Variants in PIK3C3 observed in about 807,000 individuals in gnomAD.
PIK3C3 encodes the protein phosphatidylinositol 3-kinase catalytic subunit type 3, also known as PI3-kinase type 3.
A neutral mutation model predicts 126.1 loss-of-function variants in PIK3C3; 95 were observed. The observed-to-expected ratio is 0.75, with a 90% CI of 0.64 to 0.89. The LOEUF (loss-of-function observed/expected upper bound fraction) is 0.89, where lower values mean the gene tolerates loss of function less well. PIK3C3 is among the 40% of genes least tolerant of loss of function. PIK3C3 has a pLI of 0.00. For synonymous variants in PIK3C3, 374 were observed against 360.0 expected (o/e 1.04, Z -0.44); for missense variants, 829 against 1,063.2 (o/e 0.78, Z 3.06).
At chr18:41,984,810 T>A (rs1341650122) in intron 4 of PIK3C3, 1 of 152,162 alleles carries the variant, frequency 6.6e-6, no homozygotes, top group Non-Finnish European at 1.5e-5. Flanking sequence ...CTCAATGAAA[T>A]ATGCCTTCTG....
intron 4 of PIK3C3, chr18:41,971,186 G>A (rs908678739): frequency 2.0e-5 from 3 of 152,302 alleles, no homozygotes; most frequent in Non-Finnish European, 4.4e-5. Flanking sequence ...TACTGTTTAA[G>A]GATCCCTTTA....
chr18:42,062,332 A>G (rs1985354144), intron 22 of PIK3C3, among the ~76,000 whole-genome samples: 1 of 151,226 alleles, frequency 6.6e-6, no homozygotes, highest in African/African-American at 2.4e-5. Context: ...CTCTATTTCC[A>G]TAGAGAAGGG....
At chr18:41,961,623 T>A (rs1330316671) in intron 2 of PIK3C3, among the ~76,000 whole-genome samples, 1 of 152,192 alleles carries the variant, frequency 6.6e-6, no homozygotes, top group Non-Finnish European at 1.5e-5. Context: ...TAACTTTGAA[T>A]GAACAGAATA....
At chr18:42,056,326 CAAG>C (rs889688543) in intron 21 of PIK3C3, among the ~76,000 whole-genome samples, 109 of 152,066 alleles carry the variant, frequency 7.2e-4, no homozygotes, top group African/African-American at 2.5e-3. Flanking sequence ...AGTTTTCTGA[CAAG>C]AAGGATAGAA....
At chr18:41,990,429 AT>A (rs1232672501) in intron 5 of PIK3C3, 29 bp from the exon 6 acceptor site, 13 of 1,252,922 alleles carry the variant, frequency 1.0e-5, no homozygotes, top group African/African-American at 1.5e-5. Flanking sequence ...GAAAATAATC[AT>A]TTTTCATGAA....
At chr18:42,021,454 T>C (rs1419470338) in intron 13 of PIK3C3, among the ~76,000 whole-genome samples, 2 of 151,992 alleles carry the variant, frequency 1.3e-5, no homozygotes, top group Admixed American at 6.6e-5. Flanking sequence ...AAAAAAAAAG[T>C]ACTGGGATTA....
In PIK3C3 at chr18:42,057,923, G is replaced by A; in HGVS notation, c.2304G>A (p.Arg768=). Reference sequence around the variant, plus strand: ...TAGACTTTGGATATATTTTGGGTCGGGATCCAAAGCCTCTTCCTCCACCAA... The same window carrying A: ...TAGACTTTGGATATATTTTGGGTCGAGATCCAAAGCCTCTTCCTCCACCAA... ...FHIDFGYILG[R]DPKPLPPPMK... The change falls in exon 22 of 25, where the codon CGG becomes CGA. Residue 768 remains arginine (R), a synonymous_variant. Coordinates refer to ENST00000262039, the MANE Select transcript of PIK3C3 (RefSeq NM_002647.4). The A allele has an allele frequency of 6.2e-7, 1 of 1,613,610 alleles. No homozygotes were observed. The highest frequency in any genetic ancestry group is 1.1e-5 in the South Asian group (1 of 91,004).
intron 9 of PIK3C3, among the ~76,000 whole-genome samples, chr18:42,004,122 A>G (rs1207192172): frequency 6.6e-6 from 1 of 152,228 alleles, no homozygotes; most frequent in East Asian, 1.9e-4. Flanking sequence ...TAAAAAATTC[A>G]TAGTGCTCGC....
At chr18:42,043,450 T>TTTTG (rs550184863) in intron 19 of PIK3C3, among the ~76,000 whole-genome samples, 5 of 151,984 alleles carry the variant, frequency 3.3e-5, no homozygotes, top group Admixed American at 3.3e-4. Context: ...TGCTCTGTGG[T>TTTTG]TTTGTTTGTT....
chr18:42,076,921 A>G (rs1986055112), intron 24 of PIK3C3, among the ~76,000 whole-genome samples: 1 of 152,214 alleles, frequency 6.6e-6, no homozygotes, highest in African/African-American at 2.4e-5. Flanking sequence ...AATGTACAGT[A>G]GTTGAATATT....
chr18:41,968,110 A>G (rs142996425), intron 3 of PIK3C3, among the ~76,000 whole-genome samples: 1 of 152,236 alleles, frequency 6.6e-6, no homozygotes, highest in Non-Finnish European at 1.5e-5. Flanking sequence ...CTATCCTTAA[A>G]TCTCTTCTCT....
chr18:41,981,979 G>A (rs1273535416), intron 4 of PIK3C3, among the ~76,000 whole-genome samples: 1 of 151,020 alleles, frequency 6.6e-6, no homozygotes, highest in Non-Finnish European at 1.5e-5. Flanking sequence ...GTGAGACCCT[G>A]TCTCAAAAAA....
chr18:41,969,329 T>G (rs556935577), intron 3 of PIK3C3, among the ~76,000 whole-genome samples: 1 of 152,336 alleles, frequency 6.6e-6, no homozygotes, highest in South Asian at 2.1e-4. Flanking sequence ...CAAAAATATT[T>G]TTTTGAAAAG....
intron 17 of PIK3C3, 123 bp downstream of exon 17, chr18:42,037,943 A>G (rs1984130771): frequency 2.3e-6 from 2 of 866,026 alleles, no homozygotes; most frequent in Non-Finnish European, 3.5e-6. Context: ...AGAAAGCTCA[A>G]CAGTCTCCAC....
intron 6 of PIK3C3, among the ~76,000 whole-genome samples, chr18:41,992,322 T>G (rs1340554483): frequency 6.6e-6 from 1 of 152,176 alleles, no homozygotes; most frequent in African/African-American, 2.4e-5. Flanking sequence ...TTTTCTGGTG[T>G]TGTGACTGAG....
At position 41,987,806 on chromosome 18, in the gene PIK3C3, C is replaced by T. The variant is rs1371335179; in HGVS notation, c.532-6C>T. ...TAAAATTTTCGTCATTGTATTTATT[C>T]TGCAGCTCACCAAAGCTCATCGACA... is the stretch of plus-strand genomic sequence containing the variant. On this transcript the variant is annotated splice_polypyrimidine_tract_variant and splice_region_variant and intron_variant, in intron 4 of 24. Coordinates refer to ENST00000262039, the MANE Select transcript of PIK3C3 (RefSeq NM_002647.4). 1 of 1,596,336 alleles carries T rather than the reference C, an allele frequency of 6.3e-7. No homozygotes were observed. Among genetic ancestry groups the T allele is most frequent in the Non-Finnish European group, 8.6e-7 (1 of 1,169,362 alleles).
chr18:42,006,116 T>C (rs1297569484), intron 10 of PIK3C3, among the ~76,000 whole-genome samples: 1 of 151,140 alleles, frequency 6.6e-6, no homozygotes, highest in Non-Finnish European at 1.5e-5. Context: ...CTAGATGAAA[T>C]GATAATTTGC....
At chr18:42,055,879 G>A (rs112043317) in intron 21 of PIK3C3, among the ~76,000 whole-genome samples, 1,645 of 152,130 alleles carry the variant, frequency 0.011, 29 homozygotes, top group African/African-American at 0.038. Flanking sequence ...AATTACAGAT[G>A]CCTCAAACTA....
intron 5 of PIK3C3, among the ~76,000 whole-genome samples, chr18:41,989,120 T>G (rs1981646082): frequency 1.3e-5 from 2 of 152,086 alleles, no homozygotes; most frequent in African/African-American, 2.4e-5. Flanking sequence ...GACAAGGTCT[T>G]GCTGTGTCAC....
Sources: allele counts gnomAD v4.1 joint callset (sites outside exome capture counted in the v4.1 genomes callset), GRCh38; gene constraint gnomAD v4.1.1; transcripts MANE v1.5; gene names NCBI Gene and HGNC (gene_info 2026-07-23, HGNC 2026-07-21).